Variants in OXCT1 observed in about 807,000 individuals in gnomAD.
OXCT1 encodes succinyl-CoA:3-ketoacid coenzyme A transferase 1, mitochondrial.
In OXCT1, 27 loss-of-function variants were observed where a neutral mutation model predicts 69.6. That is an observed-to-expected ratio of 0.39 (90% CI 0.29 to 0.54). The LOEUF (loss-of-function observed/expected upper bound fraction) is 0.54, where lower values mean the gene tolerates loss of function less well. Among genes scored for constraint, OXCT1 ranks in the 20% least tolerant of loss-of-function variants. The pLI, the probability that OXCT1 is intolerant of heterozygous loss-of-function variation, is 0.72. For missense variants in OXCT1, 437 were observed against 650.2 expected (o/e 0.67, Z 3.57); for synonymous variants, 202 against 217.8 (o/e 0.93, Z 0.64).
chr5:41,869,974 A>T (rs1341077772), intron 1 of OXCT1: 5 of 434,748 alleles, frequency 1.2e-5, no homozygotes, highest in Non-Finnish European at 2.2e-5. Flanking sequence ...AGGGAAGCCG[A>T]CGAGCGCCAA....
chr5:41,828,410 C>T (rs1490607226), intron 7 of OXCT1, among the ~76,000 whole-genome samples: 8 of 152,112 alleles, frequency 5.3e-5, no homozygotes, highest in Non-Finnish European at 1.2e-4. Context: ...AGGCATGAGC[C>T]ACTGCACATG....
intron 14 of OXCT1, among the ~76,000 whole-genome samples, chr5:41,754,920 G>T (rs1704410752): frequency 6.6e-6 from 1 of 152,076 alleles, no homozygotes. Context: ...AGGGTTTTGA[G>T]ATCTTAGAAT....
chr5:41,825,893 C>T (rs1747784576), intron 7 of OXCT1, among the ~76,000 whole-genome samples: 1 of 152,218 alleles, frequency 6.6e-6, no homozygotes, highest in Non-Finnish European at 1.5e-5. Context: ...GGTTATTCAG[C>T]ACAAGCAAGT....
chr5:41,736,509 CTTTTT>C (rs900961409), intron 16 of OXCT1, among the ~76,000 whole-genome samples: 3 of 151,904 alleles, frequency 2.0e-5, no homozygotes, highest in Non-Finnish European at 4.4e-5. Flanking sequence ...CTTAGTAATT[CTTTTT>C]TTTAACAGTG....
In OXCT1 at chr5:41,762,418, G is replaced by A. The variant is rs990099409; in HGVS notation, c.1249-218C>T. Among the ~76,000 whole-genome samples, 11 of 151,982 alleles carry A rather than the reference G, an allele frequency of 7.2e-5. No homozygotes were observed. Among genetic ancestry groups the A allele is most frequent in the African/African-American group, 2.7e-4 (11 of 41,382 alleles). On this transcript the variant is annotated intron_variant, in intron 13 of 16. Coordinates refer to ENST00000196371, the MANE Select transcript of OXCT1 (RefSeq NM_000436.4). The surrounding 1 kb of genome is among the most constrained non-coding windows in gnomAD (Gnocchi z 4.0). ...ACATTACATCACTTTTATTAAGTGT[G>A]GCTAATATGATTTTCTTGACATTTT...
At chr5:41,789,006 TTAAA>T (rs922403455) in intron 13 of OXCT1, among the ~76,000 whole-genome samples, 1 of 152,196 alleles carries the variant, frequency 6.6e-6, no homozygotes, top group African/African-American at 2.4e-5. Flanking sequence ...TGACACACCT[TTAAA>T]TAAACAATGG....
chr5:41,843,783 T>C (rs962849001), intron 5 of OXCT1: 7 of 289,222 alleles, frequency 2.4e-5, no homozygotes, highest in Admixed American at 9.1e-5. Flanking sequence ...ATTTCAACTA[T>C]GGTTTGAAAC....
intron 11 of OXCT1, among the ~76,000 whole-genome samples, chr5:41,795,056 A>G (rs1337778565): frequency 6.6e-6 from 1 of 152,156 alleles, no homozygotes; most frequent in Non-Finnish European, 1.5e-5. Flanking sequence ...TATGGAAGAC[A>G]ATTTTTCCAC....
intron 13 of OXCT1, among the ~76,000 whole-genome samples, chr5:41,777,525 C>T (rs188401992): frequency 2.7e-3 from 415 of 152,264 alleles, no homozygotes; most frequent in African/African-American, 8.6e-3. Flanking sequence ...AAGAGGTAAT[C>T]GAATCCCCAT....
intron 14 of OXCT1, among the ~76,000 whole-genome samples, chr5:41,757,282 C>A (rs1392679979): frequency 1.3e-5 from 2 of 152,006 alleles, no homozygotes; most frequent in Admixed American, 1.3e-4. Context: ...AGTGTCTATT[C>A]TTTTATTTCC....
At chr5:41,812,890 C>A (rs1331352017) in intron 7 of OXCT1, among the ~76,000 whole-genome samples, 1 of 151,788 alleles carries the variant, frequency 6.6e-6, no homozygotes, top group Non-Finnish European at 1.5e-5. Flanking sequence ...TACAGTCAAG[C>A]GAAAAATGGT....
intron 1 of OXCT1, among the ~76,000 whole-genome samples, chr5:41,868,588 T>C (rs1338554935): frequency 6.6e-6 from 1 of 151,412 alleles, no homozygotes; most frequent in East Asian, 1.9e-4. Context: ...CCGGGCGTAG[T>C]GGCGGGCGCC....
intron 7 of OXCT1, among the ~76,000 whole-genome samples, chr5:41,827,852 C>A (rs1314651950): frequency 6.6e-6 from 1 of 152,182 alleles, no homozygotes. Context: ...TAATCAGCCT[C>A]ACCATCCTCA....
chr5:41,796,936 C>A (rs974657119), intron 11 of OXCT1, among the ~76,000 whole-genome samples: 2 of 152,098 alleles, frequency 1.3e-5, no homozygotes, highest in African/African-American at 4.8e-5. Flanking sequence ...GCCACAGGAC[C>A]AAGCAATTGG....
chr5:41,859,891 T>TATATATATATATATATGTA lies in OXCT1; in HGVS notation c.278+1422_278+1423insTACATATATATATATATAT, dbSNP rs1561135685. ...TATATATATATATATATATATGTAA[T>TATATATATATATATATGTA]ATATATATATATATATACACACACA... On this transcript the variant is annotated intron_variant, in intron 3 of 16. Transcript: ENST00000196371. Among the ~76,000 whole-genome samples, 698 of 113,950 alleles carry TATATATATATATATATGTA rather than the reference T, an allele frequency of 6.1e-3. 9 individuals carry two copies. The highest frequency in any genetic ancestry group is 0.012 in the African/African-American group (392 of 33,296). 74.8% of individuals were successfully genotyped at this position (113,950 alleles called of 152,430 possible). A position where few individuals can be genotyped will look rare whatever the true frequency, so the allele number is the denominator to read the frequency against.
chr5:41,800,855 C>T (rs567689292), intron 11 of OXCT1, among the ~76,000 whole-genome samples, 167 bp downstream of exon 11: 37 of 152,164 alleles, frequency 2.4e-4, no homozygotes, highest in Non-Finnish European at 2.6e-4. Context: ...CCTCCTTTAT[C>T]TTGGTCATTC....
intron 3 of OXCT1, among the ~76,000 whole-genome samples, chr5:41,854,185 A>C (rs1749322719): frequency 6.6e-6 from 1 of 152,212 alleles, no homozygotes; most frequent in African/African-American, 2.4e-5. Flanking sequence ...AGCAAAAAAA[A>C]AATTAATCAC....
chr5:41,745,480 C>T (rs1247202922), intron 15 of OXCT1, among the ~76,000 whole-genome samples: 9 of 152,016 alleles, frequency 5.9e-5, no homozygotes, highest in Non-Finnish European at 8.8e-5. Context: ...CCTAACATCA[C>T]GATTAAAAGA....
At chr5:41,738,077 T>C (rs1446472741) in intron 16 of OXCT1, among the ~76,000 whole-genome samples, 1 of 152,070 alleles carries the variant, frequency 6.6e-6, no homozygotes, top group Non-Finnish European at 1.5e-5. Context: ...TGTTATGCAC[T>C]GATAGGTACA....
Sources: gnomAD v4.1 joint callset for allele counts (sites outside exome capture counted in the v4.1 genomes callset) on GRCh38, gnomAD v4.1.1 for gene constraint, Gnocchi (gnomAD v3.1) non-coding constraint, MANE v1.5 for transcripts, NCBI Gene and HGNC (gene_info 2026-07-23, HGNC 2026-07-21) for gene names.